Variants in CHN1 observed in about 807,000 individuals in gnomAD.
CHN1 encodes N-chimaerin.
Under a neutral mutation model 59.5 loss-of-function variants are expected in CHN1, and 37 were observed. That is an observed-to-expected ratio of 0.62 (90% confidence interval 0.48 to 0.82). The LOEUF (loss-of-function observed/expected upper bound fraction) is 0.82. Among genes scored for constraint, CHN1 ranks in the 40% least tolerant of loss-of-function variants. CHN1 has a pLI of 0.00. For synonymous variants in CHN1, 206 were observed against 200.4 expected (o/e 1.03, Z -0.24); for missense variants, 469 against 571.0 (o/e 0.82, Z 1.82).
At chr2:174,981,693 C>T (rs983421308) in intron 1 of CHN1, among the ~76,000 whole-genome samples, 1 of 152,118 alleles carries the variant, frequency 6.6e-6, no homozygotes, top group African/African-American at 2.4e-5. Context: ...CAGCATTTTG[C>T]CCATTAACTT....
intron 5 of CHN1, among the ~76,000 whole-genome samples, chr2:174,879,906 G>C (rs1188560307): frequency 6.6e-6 from 1 of 152,084 alleles, no homozygotes; most frequent in East Asian, 1.9e-4. Context: ...TGAGAAGTAT[G>C]GGGGGCACAG....
Position 174,918,571 on chromosome 2 carries a change from G to T in CHN1, c.115-6C>A. On this transcript the variant is annotated splice_region_variant and splice_polypyrimidine_tract_variant and intron_variant, in intron 3 of 12. Transcript: ENST00000409900. Reference sequence around the variant, plus strand: ...TACTTTGGTCTGTTTTCCACCTATTGGGAAAGCAAAAAAACAGGCATATTT... The same window carrying T: ...TACTTTGGTCTGTTTTCCACCTATTTGGAAAGCAAAAAAACAGGCATATTT... The T allele has an allele frequency of 6.3e-7, 1 of 1,586,256 alleles. No individual in the cohort carries two copies.
At chr2:174,897,816 T>TA (rs913118712) in intron 5 of CHN1, among the ~76,000 whole-genome samples, 4 of 151,686 alleles carry the variant, frequency 2.6e-5, no homozygotes, top group South Asian at 2.1e-4. Context: ...GGACTATTAA[T>TA]AAAAAAAGGC....
intron 1 of CHN1, among the ~76,000 whole-genome samples, chr2:174,992,716 C>T (rs1691581807): frequency 6.6e-6 from 1 of 152,242 alleles, no homozygotes; most frequent in African/African-American, 2.4e-5. Context: ...CCTTGGCCCA[C>T]GCCCCACCAG....
intron 5 of CHN1, among the ~76,000 whole-genome samples, chr2:174,903,315 T>C (rs866089409): frequency 8.5e-5 from 13 of 152,212 alleles, no homozygotes; most frequent in Non-Finnish European, 1.8e-4. Context: ...TAGCTGTTTA[T>C]TGCACAACTA....
At chr2:174,827,683 C>G (rs1274769349) in intron 7 of CHN1, among the ~76,000 whole-genome samples, 2 of 152,102 alleles carry the variant, frequency 1.3e-5, no homozygotes, top group Admixed American at 1.3e-4. Flanking sequence ...ACCCAGACAA[C>G]AGACGATATG....
At chr2:174,846,225 G>GAATC in intron 7 of CHN1, 1 of 1,462,754 alleles carries the variant, frequency 6.8e-7, no homozygotes, top group South Asian at 1.5e-5. Context: ...CATACAGCTT[G>GAATC]AATCAACACA....
intron 5 of CHN1, among the ~76,000 whole-genome samples, chr2:174,897,411 ATC>A (rs1270903299): frequency 6.6e-6 from 1 of 151,408 alleles, no homozygotes; most frequent in African/African-American, 2.4e-5. Context: ...GATAAAATAA[ATC>A]TCTGTGTGCT....
intron 1 of CHN1, among the ~76,000 whole-genome samples, chr2:174,992,944 C>T (rs1691589015): frequency 6.6e-6 from 1 of 152,132 alleles, no homozygotes; most frequent in African/African-American, 2.4e-5. Context: ...GTGTGTGCCA[C>T]CATGCCAGCT....
chr2:174,890,735 A>G (rs1377780210), intron 5 of CHN1, among the ~76,000 whole-genome samples: 3 of 152,148 alleles, frequency 2.0e-5, no homozygotes, highest in Non-Finnish European at 4.4e-5. Context: ...AACTGAACCT[A>G]ATAGGCACAT....
chr2:174,799,481 T>G lies in CHN1; in HGVS notation c.*635A>C, dbSNP rs562879539. The G allele has an allele frequency of 3.8e-4, 184 of 484,394 alleles. No individual in the cohort carries two copies. Among genetic ancestry groups the G allele is most frequent in the Non-Finnish European group, 6.9e-4 (173 of 250,058 alleles). The allele number at this position is 484,394 out of a possible 1,614,324, so 30.0% of individuals were successfully genotyped here. A position where few individuals can be genotyped will look rare whatever the true frequency, so the allele number is the denominator to read the frequency against. On this transcript the variant is annotated 3_prime_UTR_variant, in exon 13 of 13. Coordinates refer to ENST00000409900, the MANE Select transcript of CHN1 (RefSeq NM_001822.7). ...TTACAACTGAAAACCAATAATAATT[T>G]AACAGAAAATGCTGTGTTGTACACT...
chr2:174,989,401 C>T (rs973908331), intron 1 of CHN1, among the ~76,000 whole-genome samples: 4 of 151,672 alleles, frequency 2.6e-5, no homozygotes, highest in Admixed American at 6.6e-5. Context: ...AAGATAAATA[C>T]GTCAACTTTT....
intron 1 of CHN1, among the ~76,000 whole-genome samples, chr2:174,961,122 A>ACGGAAGGAAGGGAGGAAGGGAAGGGAGGG (rs1690385517): frequency 8.0e-6 from 1 of 124,952 alleles, no homozygotes. Context: ...TGACGGAGGG[A>ACGGAAGGAAGGGAGGAAGGGAAGGGAGGG]AGGAAGGAAG....
chr2:175,005,223 TGGCCGCGGCGCAGTGGCTGGCGGAGA>T lies in CHN1; in HGVS notation c.-337_-312del, dbSNP rs755074723. 2.7e-4 allele frequency: 321 copies of T among 1,195,136 alleles called. No individual in the cohort carries two copies. The highest frequency in any genetic ancestry group is 3.1e-4 in the Non-Finnish European group (300 of 962,022). The allele number at this position is 1,195,136 out of a possible 1,614,324, so 74.0% of individuals were successfully genotyped here. A position where few individuals can be genotyped will look rare whatever the true frequency, so the allele number is the denominator to read the frequency against. ...GGAGGTACCTGCGAGGCAGGAGGCT[TGGCCGCGGCGCAGTGGCTGGCGGAGA>T]GGCGGCGCCGCACTGGCGGCGGCGG... On this transcript the variant is annotated 5_prime_UTR_variant, in exon 1 of 13. An upstream open reading frame in the 5' UTR gains an earlier in-frame stop. Transcript: ENST00000409900.
intron 7 of CHN1, among the ~76,000 whole-genome samples, chr2:174,838,629 G>A (rs907915391): frequency 6.6e-6 from 1 of 152,154 alleles, no homozygotes; most frequent in Non-Finnish European, 1.5e-5. Context: ...GAGATTACGA[G>A]AAGGGGCTTT....
intron 6 of CHN1, among the ~76,000 whole-genome samples, chr2:174,848,574 T>C (rs1457933948): frequency 6.6e-6 from 1 of 152,174 alleles, no homozygotes; most frequent in Non-Finnish European, 1.5e-5. Context: ...TCAGTATATT[T>C]GTAGTGTAAA....
At chr2:174,847,582 A>G in intron 6 of CHN1, 1 of 1,297,012 alleles carries the variant, frequency 7.7e-7, no homozygotes, top group Non-Finnish European at 1.0e-6. Flanking sequence ...CAGACACCCT[A>G]TGAAGCCCCT....
At chr2:174,967,113 G>C (rs938222807) in intron 1 of CHN1, among the ~76,000 whole-genome samples, 3 of 152,130 alleles carry the variant, frequency 2.0e-5, no homozygotes, top group Non-Finnish European at 4.4e-5. Context: ...GGGAGGCTGA[G>C]GCAGCGGATC....
chr2:174,807,902 T>C (rs1474926705), intron 11 of CHN1, among the ~76,000 whole-genome samples: 2 of 152,184 alleles, frequency 1.3e-5, no homozygotes, highest in Non-Finnish European at 2.9e-5. Flanking sequence ...CATATGGTTT[T>C]AAAGAGAGAA....
Sources: allele counts gnomAD v4.1 joint callset (sites outside exome capture counted in the v4.1 genomes callset), GRCh38; gene constraint gnomAD v4.1.1; transcripts MANE v1.5; gene names NCBI Gene and HGNC (gene_info 2026-07-23, HGNC 2026-07-21).